SLC4A4: variants seen among roughly 807,000 people sequenced by gnomAD.
SLC4A4 encodes the protein solute carrier family 4 member 4, also known as electrogenic sodium bicarbonate cotransporter 1.
A neutral mutation model predicts 111.5 loss-of-function variants in SLC4A4; 27 were observed. That is an observed-to-expected ratio of 0.24 (90% CI 0.18 to 0.33). SLC4A4 has a LOEUF of 0.33. Among genes scored for constraint, SLC4A4 ranks in the 10% least tolerant of loss-of-function variants. SLC4A4 has a pLI of 1.00. For missense variants in SLC4A4, 909 were observed against 1,315.5 expected (o/e 0.69, Z 4.78); for synonymous variants, 443 against 463.4 (o/e 0.96, Z 0.57).
intron 7 of SLC4A4, among the ~76,000 whole-genome samples, chr4:71,421,372 C>G (rs1387285678): frequency 6.6e-6 from 1 of 152,094 alleles, no homozygotes; most frequent in Non-Finnish European, 1.5e-5. Context: ...CTGAGACTCC[C>G]ACACATTAAT....
intron 1 of SLC4A4, among the ~76,000 whole-genome samples, chr4:71,226,418 A>G (rs1427660155): frequency 2.0e-5 from 3 of 152,234 alleles, no homozygotes; most frequent in African/African-American, 7.2e-5. Context: ...TGGCAGGTCC[A>G]GGTACCTCTT....
intron 16 of SLC4A4, among the ~76,000 whole-genome samples, chr4:71,526,775 G>A (rs1223972497): frequency 6.6e-6 from 1 of 152,018 alleles, no homozygotes; most frequent in Admixed American, 6.6e-5. Context: ...GGGCAGGACT[G>A]CATTCCTTCT....
At chr4:71,273,193 AG>A (rs371241730) in intron 3 of SLC4A4, among the ~76,000 whole-genome samples, 54 of 152,308 alleles carry the variant, frequency 3.5e-4, no homozygotes, top group African/African-American at 1.3e-3. Flanking sequence ...AATGCACCCA[AG>A]GGCATTCAGC....
At chr4:71,504,396 G>A (rs902322069) in intron 16 of SLC4A4, among the ~76,000 whole-genome samples, 1 of 151,856 alleles carries the variant, frequency 6.6e-6, no homozygotes, top group African/African-American at 2.4e-5. Flanking sequence ...TCTTGATCTA[G>A]TCTGTTCTTG....
intron 2 of SLC4A4, among the ~76,000 whole-genome samples, chr4:71,174,702 A>G (rs910513423): frequency 2.6e-5 from 4 of 152,228 alleles, no homozygotes; most frequent in Admixed American, 6.5e-5. Flanking sequence ...ATGATTTAAA[A>G]GTAAAACAAC....
intron 1 of SLC4A4, among the ~76,000 whole-genome samples, chr4:71,086,467 A>T (rs921430402): frequency 1.3e-5 from 2 of 152,032 alleles, no homozygotes; most frequent in Non-Finnish European, 2.9e-5. Flanking sequence ...GAGAGAGGTC[A>T]TCCGTGTCTT....
chr4:71,396,919 A>T (rs1719866983), intron 6 of SLC4A4, among the ~76,000 whole-genome samples: 1 of 152,208 alleles, frequency 6.6e-6, no homozygotes, highest in African/African-American at 2.4e-5. Context: ...GGAAAAGAGG[A>T]TATACTTATT....
At chr4:71,260,015 T>G (rs1447332282) in intron 3 of SLC4A4, among the ~76,000 whole-genome samples, 2 of 152,218 alleles carry the variant, frequency 1.3e-5, no homozygotes, top group African/African-American at 2.4e-5. Flanking sequence ...GCTAGGTATG[T>G]CCATACAGAC....
intron 1 of SLC4A4, among the ~76,000 whole-genome samples, chr4:71,092,603 A>C (rs941275913): frequency 6.6e-6 from 1 of 152,240 alleles, no homozygotes; most frequent in Non-Finnish European, 1.5e-5. Flanking sequence ...CTGAGAATAG[A>C]ACCTGAAAGG....
At chr4:71,453,919 A>T (rs1725985451) in intron 12 of SLC4A4, among the ~76,000 whole-genome samples, 1 of 152,154 alleles carries the variant, frequency 6.6e-6, no homozygotes. Context: ...GAGGATATAC[A>T]ATTCTATTTG....
intron 24 of SLC4A4, among the ~76,000 whole-genome samples, chr4:71,564,318 C>A (rs1737273711): frequency 6.6e-6 from 1 of 151,692 alleles, no homozygotes; most frequent in South Asian, 2.1e-4. Context: ...ATCAATAAAT[C>A]AATTGTTAAT....
intron 6 of SLC4A4, among the ~76,000 whole-genome samples, chr4:71,390,431 G>T (rs1719150814): frequency 6.6e-6 from 1 of 152,198 alleles, no homozygotes; most frequent in Non-Finnish European, 1.5e-5. Flanking sequence ...TCAGAAGCCT[G>T]TGGTGTAATT....
At chr4:71,431,272 G>A (rs1284253636) in intron 7 of SLC4A4, among the ~76,000 whole-genome samples, 1 of 152,136 alleles carries the variant, frequency 6.6e-6, no homozygotes, top group Non-Finnish European at 1.5e-5. Context: ...AGAAGAGTAA[G>A]AAGTATCTGT....
Position 71,254,057 on chromosome 4 carries a change from A to G in SLC4A4, c.74-1163A>G, listed in dbSNP as rs555777217. On this transcript the variant is annotated intron_variant, in intron 2 of 25. Transcript: ENST00000264485. ...AAAGTAGTTCATGACAGTTTGTATC[A>G]TACATACTGTATGTACATGTATTTG... Among the ~76,000 whole-genome samples the G allele has an allele frequency of 4.6e-5, 7 of 152,276 alleles. No homozygotes were observed. In the South Asian group the frequency reaches 1.5e-3, roughly 32 times the overall value.
At chr4:71,461,352 T>C (rs375869696) in intron 12 of SLC4A4, among the ~76,000 whole-genome samples, 4 of 152,164 alleles carry the variant, frequency 2.6e-5, no homozygotes, top group African/African-American at 9.6e-5. Context: ...CTTAGCCTTT[T>C]TTCCCCTTCT....
At chr4:71,109,709 C>T (rs181244913) in intron 2 of SLC4A4, among the ~76,000 whole-genome samples, 62 of 151,846 alleles carry the variant, frequency 4.1e-4, no homozygotes, top group East Asian at 1.7e-3. Flanking sequence ...CACCAGGCTA[C>T]GTTTTGTATT....
At position 71,386,046 on chromosome 4, in the gene SLC4A4, A is replaced by G. The variant is rs1447327980; in HGVS notation, c.731-11531A>G. ...TTTTGGCCCCAGCTTTTCTATATAT[A>G]TTTTTTTCATGCTCAATTGATGATT... is the stretch of plus-strand genomic sequence containing the variant. On this transcript the variant is annotated intron_variant, in intron 6 of 25. Transcript: ENST00000264485. Among the ~76,000 whole-genome samples, 4 of 150,406 alleles carry G rather than the reference A, an allele frequency of 2.7e-5. No individual in the cohort carries two copies. In the South Asian group the frequency reaches 8.4e-4, roughly 32 times the overall value.
chr4:71,440,328 A>G (rs1213181914), intron 7 of SLC4A4, among the ~76,000 whole-genome samples: 4 of 152,208 alleles, frequency 2.6e-5, no homozygotes, highest in African/African-American at 7.2e-5. Context: ...GTGAATGAAT[A>G]TATAAATGAA....
At chr4:71,182,917 T>G (rs1745338317), upstream of SLC4A4, among the ~76,000 whole-genome samples, 1 of 152,070 alleles carries the variant, frequency 6.6e-6, no homozygotes, top group Non-Finnish European at 1.5e-5. Context: ...AACAGAGAGG[T>G]CTGTGTCCTG....
Sources: allele counts gnomAD v4.1 joint callset (sites outside exome capture counted in the v4.1 genomes callset), GRCh38; gene constraint gnomAD v4.1.1; transcripts MANE v1.5; gene names NCBI Gene and HGNC (gene_info 2026-07-23, HGNC 2026-07-21).